Variants in ANAPC1 observed in about 807,000 individuals in gnomAD.
ANAPC1 encodes the protein anaphase-promoting complex subunit 1.
ANAPC1 carries 36 observed loss-of-function variants against 208.0 expected under a neutral mutation model. The ratio of observed to expected loss-of-function variants is 0.17; its 90% CI spans 0.13 to 0.23. ANAPC1 has a LOEUF of 0.23. Ranked by LOEUF, ANAPC1 falls within the 10% of genes least tolerant of loss-of-function variation. The probability of loss-of-function intolerance (pLI) is 1.00; values close to 1 mark genes in which losing one functional copy is unlikely to be tolerated. For synonymous variants in ANAPC1, 378 were observed against 695.2 expected (o/e 0.54, Z 7.18); for missense variants, 942 against 2,011.6 (o/e 0.47, Z 10.17).
At chr2:111,825,695 A>T (rs1236299826) in intron 22 of ANAPC1, 82 bp downstream of exon 22, 3 of 1,443,798 alleles carry the variant, frequency 2.1e-6, no homozygotes, top group Non-Finnish European at 2.9e-6. Flanking sequence ...CAAAGCAAAC[A>T]AGAAAAATTC....
rs751576469 is a variant in ANAPC1, at chr2:111,863,732, G to T, written c.995C>A (p.Thr332Asn). 9 of 1,613,824 alleles carry T rather than the reference G, an allele frequency of 5.6e-6. No individual in the cohort carries two copies. The Admixed American group carries it at 1.0e-4, about 18-fold the overall frequency. Residue 332 changes from threonine to asparagine, a missense_variant, in exon 9 of 48, where the codon ACC (threonine) becomes AAC (asparagine). Physicochemically the swap from Thr to Asn is moderately conservative, Grantham distance 65 (BLOSUM62 0). Coordinates refer to ENST00000341068, the MANE Select transcript of ANAPC1 (RefSeq NM_022662.4). ...YSSIHSQSRSTSSPSLHSRSP... is the reference protein window; with the variant it reads ...YSSIHSQSRSNSSPSLHSRSP... Reference sequence around the variant, plus strand: ...GCGAGAATGTAGACTGGGTGATGAGGTTGAGCGACTCTGGCTGTGAATGGA... The same window carrying T: ...GCGAGAATGTAGACTGGGTGATGAGTTTGAGCGACTCTGGCTGTGAATGGA...
At position 111,810,372 on chromosome 2, in the gene ANAPC1, G is replaced by C. The variant is rs910639509; in HGVS notation, c.3598-1191C>G. On this transcript the variant is annotated intron_variant, in intron 28 of 47. Coordinates refer to ENST00000341068, the MANE Select transcript of ANAPC1 (RefSeq NM_022662.4). The stretch of plus-strand genomic sequence containing the variant: ...ACAAGGTTCCTTTATGGGGTGAAAA[G>C]ATGTTCTAAAATTAACAGTGGTGAT... 5.9e-5 allele frequency among the ~76,000 whole-genome samples: 9 copies of C among 152,016 alleles called. 1 individual carries two copies. Among genetic ancestry groups the C allele is most frequent in the African/African-American group, 2.2e-4 (9 of 41,374 alleles).
Position 111,826,610 on chromosome 2 carries a change from A to T in ANAPC1, c.2626-755T>A, listed in dbSNP as rs544130041. Among the ~76,000 whole-genome samples the T allele has an allele frequency of 6.6e-5, 10 of 152,154 alleles. No homozygotes were observed. In the South Asian group the frequency reaches 2.1e-3, roughly 32 times the overall value. On this transcript the variant is annotated intron_variant, in intron 21 of 47. Transcript: ENST00000341068. Reference sequence around the variant, plus strand: ...TGTTTACCTACTCAAAAACTGATGAACATTTGGTTCCAGTTTGTGGTCACT... The same window carrying T: ...TGTTTACCTACTCAAAAACTGATGATCATTTGGTTCCAGTTTGTGGTCACT...
chr2:111,845,202 T>C lies in ANAPC1; in HGVS notation c.1853-1603A>G, dbSNP rs186727973. Among the ~76,000 whole-genome samples, 754 of 152,274 alleles carry C rather than the reference T, an allele frequency of 5.0e-3. 4 individuals are homozygous for C. The highest frequency in any genetic ancestry group is 0.018 in the African/African-American group (728 of 41,542). On this transcript the variant is annotated intron_variant, in intron 16 of 47. Coordinates refer to ENST00000341068, the MANE Select transcript of ANAPC1 (RefSeq NM_022662.4). The stretch of plus-strand genomic sequence containing the variant: ...ATTATAGCACTACACTGTCATACAA[T>C]GATCCCCTCAGAGTGGCCAGGGCTA...
chr2:111,775,644 A>G (rs1284949654), intron 46 of ANAPC1, among the ~76,000 whole-genome samples: 2 of 152,202 alleles, frequency 1.3e-5, no homozygotes, highest in Admixed American at 1.3e-4. Flanking sequence ...AAGAGCAACA[A>G]GGCAATCAGG....
chr2:111,853,268 T>A (rs1681511362), intron 13 of ANAPC1, among the ~76,000 whole-genome samples: 1 of 152,228 alleles, frequency 6.6e-6, no homozygotes, highest in Non-Finnish European at 1.5e-5. Flanking sequence ...CATATATAGT[T>A]GGGCTGTATT....
chr2:111,876,050 T>G (rs556106559), intron 3 of ANAPC1, among the ~76,000 whole-genome samples: 25 of 152,134 alleles, frequency 1.6e-4, no homozygotes, highest in African/African-American at 5.8e-4. Flanking sequence ...GAAACTACAT[T>G]CACCTTTGTA....
At chr2:111,792,944 C>T (rs1181176579) in intron 37 of ANAPC1, among the ~76,000 whole-genome samples, 2 of 151,722 alleles carry the variant, frequency 1.3e-5, no homozygotes, top group African/African-American at 4.9e-5. Context: ...CAGAGCGAGA[C>T]GCTGTCTCAG....
chr2:111,871,101 C>A (rs1682723772), intron 6 of ANAPC1, among the ~76,000 whole-genome samples: 1 of 152,014 alleles, frequency 6.6e-6, no homozygotes. Flanking sequence ...TAATTATAAC[C>A]TTGTAGAATA....
intron 13 of ANAPC1, among the ~76,000 whole-genome samples, chr2:111,853,277 T>C (rs201523262): frequency 2.0e-5 from 3 of 152,122 alleles, no homozygotes; most frequent in Non-Finnish European, 4.4e-5. Flanking sequence ...TTGGGCTGTA[T>C]TTTCTAATCT....
At chr2:111,821,962 C>G (rs1488253559) in intron 25 of ANAPC1, among the ~76,000 whole-genome samples, 4 of 150,786 alleles carry the variant, frequency 2.7e-5, no homozygotes, top group Middle Eastern at 3.5e-3. Flanking sequence ...TGTGATTAAA[C>G]AAATATGTTT....
In ANAPC1 at chr2:111,825,813, C is replaced by T. The variant is rs767121801; in HGVS notation, c.2668G>A (p.Asp890Asn). The T allele has an allele frequency of 2.8e-5, 45 of 1,613,742 alleles. No individual in the cohort carries two copies. The Admixed American group carries it at 3.7e-4, about 13-fold the overall frequency. ...YILGDESLVS[D>N]ESSQYLTRIT... ...CTGGTTAAATACTGTGAGGATTCAT[C>T]AGAAACCAAGCTCTCATCACCAAGT... Residue 890 changes from aspartate (D) to asparagine (N), a missense_variant, in exon 22 of 48, where the codon GAT becomes AAT. Coordinates refer to ENST00000341068, the MANE Select transcript of ANAPC1 (RefSeq NM_022662.4).
chr2:111,810,832 G>T (rs757620380), intron 28 of ANAPC1, among the ~76,000 whole-genome samples: 1 of 130,484 alleles, frequency 7.7e-6, no homozygotes, highest in African/African-American at 3.0e-5. Context: ...GCAGTGAGAC[G>T]AGATCACACC....
chr2:111,796,273 T>A (rs1290655275), intron 34 of ANAPC1, among the ~76,000 whole-genome samples: 1 of 149,270 alleles, frequency 6.7e-6, no homozygotes, highest in East Asian at 2.0e-4. Flanking sequence ...AGAAGGCACT[T>A]ATAATACAGT....
intron 21 of ANAPC1, among the ~76,000 whole-genome samples, 170 bp from the exon 22 acceptor site, chr2:111,826,025 C>T (rs986454430): frequency 6.6e-6 from 1 of 152,180 alleles, no homozygotes; most frequent in Non-Finnish European, 1.5e-5. Context: ...TATAGGCACA[C>T]ACCACCATGC....
At chr2:111,879,346 T>C (rs1439140777) in intron 2 of ANAPC1, among the ~76,000 whole-genome samples, 4 of 152,228 alleles carry the variant, frequency 2.6e-5, no homozygotes, top group Non-Finnish European at 4.4e-5. Context: ...TGGGAATCAC[T>C]TGGGGAGTTC....
At chr2:111,869,527 T>C (rs1682624609) in intron 6 of ANAPC1, among the ~76,000 whole-genome samples, 1 of 152,196 alleles carries the variant, frequency 6.6e-6, no homozygotes, top group Non-Finnish European at 1.5e-5. Context: ...ATTACAGACG[T>C]GGGCCACCGC....
At chr2:111,836,830 T>C (rs923101546) in intron 18 of ANAPC1, among the ~76,000 whole-genome samples, 14 of 151,912 alleles carry the variant, frequency 9.2e-5, no homozygotes, top group African/African-American at 3.1e-4. Flanking sequence ...TAGCCAGGCA[T>C]GGTGGCACAC....
intron 10 of ANAPC1, among the ~76,000 whole-genome samples, chr2:111,859,143 T>A (rs1036683774): frequency 1.3e-5 from 2 of 152,140 alleles, no homozygotes; most frequent in African/African-American, 4.8e-5. Context: ...CTCATTCACA[T>A]CTCTTTTTGA....
Sources: gnomAD v4.1 joint callset for allele counts (sites outside exome capture counted in the v4.1 genomes callset) on GRCh38, gnomAD v4.1.1 for gene constraint, MANE v1.5 for transcripts, NCBI Gene and HGNC (gene_info 2026-07-23, HGNC 2026-07-21) for gene names.